BTBD18: variants seen among roughly 807,000 people sequenced by gnomAD.
The protein encoded by BTBD18 is BTB/POZ domain-containing protein 18.
For synonymous variants in BTBD18, 311 were observed against 324.4 expected (o/e 0.96, Z 0.44); for missense variants, 787 against 846.3 (o/e 0.93, Z 0.87).
chr11:57,746,144 C>G lies in BTBD18; in HGVS notation c.129G>C (p.Glu43Asp), dbSNP rs1258442628. 1 of 1,542,590 alleles carries G rather than the reference C, an allele frequency of 6.5e-7. No homozygotes were observed. The highest frequency in any genetic ancestry group is 8.8e-7 in the Non-Finnish European group (1 of 1,142,572). ...GGATGCAGCAGTGAGCTGGAACTGCCTCACCTGAAGGGAAACCCAAATACT... is the reference window on the plus strand; with the variant it reads ...GGATGCAGCAGTGAGCTGGAACTGCGTCACCTGAAGGGAAACCCAAATACT... ...FCDVLLQAEG[E>D]AVPAHCCILS... The change falls in exon 3 of 3, where the codon GAG (glutamate) becomes GAC (aspartate). Residue 43 changes from glutamate (E) to aspartate (D), a missense_variant. Physicochemically the swap from Glu to Asp is conservative, Grantham distance 45. Coordinates refer to ENST00000422652, the MANE Select transcript of BTBD18 (RefSeq NM_001145101.3).
In BTBD18 at chr11:57,745,648, T is replaced by C. The variant is rs1356526099; in HGVS notation, c.625A>G (p.Arg209Gly). ...DNLSGTLLLK[R>G]KARACPTPQE... The stretch of plus-strand genomic sequence containing the variant: ...GGAGTTGGGCAGGCTCTGGCCTTCC[T>C]CTTGAGCAGAAGAGTGCCAGACAAA... The change falls in exon 3 of 3, where the codon AGG becomes GGG. Residue 209 changes from arginine to glycine, a missense_variant. Arg to Gly is a moderately radical substitution (Grantham distance 125). Coordinates refer to ENST00000422652, the MANE Select transcript of BTBD18 (RefSeq NM_001145101.3). 6.4e-7 allele frequency: 1 copy of C among 1,551,670 alleles called. No individual in the cohort carries two copies. The highest frequency in any genetic ancestry group is 8.7e-7 in the Non-Finnish European group (1 of 1,146,976).
chr11:57,744,624 C>CAG lies in BTBD18; in HGVS notation c.1647_1648dup (p.Trp550SerfsTer33). The CAG allele has an allele frequency of 6.4e-7, 1 of 1,551,688 alleles. No individual in the cohort carries two copies. The highest frequency in any genetic ancestry group is 8.7e-7 in the Non-Finnish European group (1 of 1,147,006). The stretch of plus-strand genomic sequence containing the variant: ...TTCCAATTCTGTGAGCTCCCTGGGC[C>CAG]AGAGTTCCATGTCTGGTAGACACCA... On this transcript the variant is annotated frameshift_variant, in exon 3 of 3. Transcript: ENST00000422652. LOFTEE classifies it low-confidence loss of function (END_TRUNC).
At chr11:57,752,609 C>T (rs1949336175), upstream of BTBD18, among the ~76,000 whole-genome samples, 1 of 152,210 alleles carries the variant, frequency 6.6e-6, no homozygotes, top group South Asian at 2.1e-4. Flanking sequence ...GGAAGCTTCT[C>T]AATCCACGAT....
intron 2 of BTBD18, among the ~76,000 whole-genome samples, chr11:57,746,604 G>A (rs1309159239): frequency 1.3e-5 from 2 of 152,004 alleles, no homozygotes; most frequent in African/African-American, 2.4e-5. Flanking sequence ...GATTACAGGC[G>A]TGAGCCACCG....
chr11:57,751,263 G>C, intron 1 of BTBD18, 27 bp from the exon 2 acceptor site: 1 of 1,216,882 alleles, frequency 8.2e-7, no homozygotes. Flanking sequence ...ACATTTCAGA[G>C]GCATGGTTAC....
chr11:57,745,007 C>T lies in BTBD18; in HGVS notation c.1266G>A (p.Met422Ile), dbSNP rs1381329895. 2 of 1,551,514 alleles carry T rather than the reference C, an allele frequency of 1.3e-6. No individual in the cohort carries two copies. Among genetic ancestry groups the T allele is most frequent in the Non-Finnish European group, 1.7e-6 (2 of 1,146,958 alleles). The part of the protein sequence containing the change: ...TRTELCQDSP[M>I]CTKLQDILVS... Reference sequence around the variant, plus strand: ...CCAGAATGTCTTGTAGCTTAGTGCACATGGGGGAGTCCTGACACAGTTCTG... The same window carrying T: ...CCAGAATGTCTTGTAGCTTAGTGCATATGGGGGAGTCCTGACACAGTTCTG... Residue 422 changes from methionine to isoleucine, a missense_variant, in exon 3 of 3, where the codon ATG becomes ATA. Physicochemically the swap from Met to Ile is conservative, Grantham distance 10. Transcript: ENST00000422652.
rs1290905550 is a variant in BTBD18, at chr11:57,745,571, G to A, written c.702C>T (p.Asn234=). The change falls in exon 3 of 3, where the codon AAC becomes AAT. Residue 234 remains asparagine (N), a synonymous_variant. Coordinates refer to ENST00000422652, the MANE Select transcript of BTBD18 (RefSeq NM_001145101.3). ...TAGGATCAAGGGCAGTGTCATTCTTGTTCTCTCTAGGCTCTTGACTATGGC... is the reference window on the plus strand; with the variant it reads ...TAGGATCAAGGGCAGTGTCATTCTTATTCTCTCTAGGCTCTTGACTATGGC... ...PSSHSQEPRE[N]KNDTALDPTV... 2 of 1,551,086 alleles carry A rather than the reference G, an allele frequency of 1.3e-6. No individual in the cohort carries two copies. The highest frequency in any genetic ancestry group is 2.4e-5 in the East Asian group (1 of 40,928).
rs1227936424 is a variant in BTBD18 at position 57,745,789 on chromosome 11, G to T, written c.484C>A (p.His162Asn). ...TTAGTGGGCAGTGGGGTGTGAGGGT[G>T]GTGGCTGGGTGTCACCACTCTGGCA... is the stretch of plus-strand genomic sequence containing the variant. ...ISARVVTPSH[H>N]PHTPLPTNQT... Residue 162 changes from histidine to asparagine, a missense_variant, in exon 3 of 3, where the codon CAC becomes AAC. By Grantham distance (68) the His-to-Asn change is moderately conservative (BLOSUM62 1). Transcript: ENST00000422652. 1.3e-6 allele frequency: 2 copies of T among 1,551,600 alleles called. No homozygotes were observed. Among genetic ancestry groups the T allele is most frequent in the South Asian group, 2.4e-5 (2 of 84,044 alleles).
Position 57,745,525 on chromosome 11 carries a change from A to T in BTBD18, c.748T>A (p.Leu250Met), listed in dbSNP as rs1383106183. 1.9e-5 allele frequency: 30 copies of T among 1,549,670 alleles called. No homozygotes were observed. Among genetic ancestry groups the T allele is most frequent in the African/African-American group, 4.1e-5 (3 of 73,032 alleles). ...AGGTGTTTGTCCACAGAGGGGTACA[A>T]GCTGGGTGGGGAGAGCACTGTAGGA... ...LDPTVLSPPS[L>M]YPSVDKHLLP... The change falls in exon 3 of 3, where the codon TTG (leucine) becomes ATG (methionine). Residue 250 changes from leucine to methionine, a missense_variant. Coordinates refer to ENST00000422652, the MANE Select transcript of BTBD18 (RefSeq NM_001145101.3).
rs779170373 is a variant in BTBD18 at position 57,745,705 on chromosome 11, G to T, written c.568C>A (p.Pro190Thr). 1.3e-6 allele frequency: 2 copies of T among 1,551,656 alleles called. No individual in the cohort carries two copies. Among genetic ancestry groups the T allele is most frequent in the South Asian group, 1.2e-5 (1 of 84,050 alleles). ...RLKSLGKEEGPQENNRQNADN... is the reference protein window; with the variant it reads ...RLKSLGKEEGTQENNRQNADN... ...GCATTCTGTCGGTTGTTTTCCTGGG[G>T]CCCCTCTTCCTTCCCCAAGGACTTC... The change falls in exon 3 of 3, where the codon CCC becomes ACC. Residue 190 changes from proline to threonine, a missense_variant. Pro to Thr is a conservative substitution (Grantham distance 38). Coordinates refer to ENST00000422652, the MANE Select transcript of BTBD18 (RefSeq NM_001145101.3).
At position 57,745,848 on chromosome 11, in the gene BTBD18, TCTCGGTTCAGCCTTCGGCC is replaced by T; in HGVS notation, c.406_424del (p.Gly136SerfsTer16). On this transcript the variant is annotated frameshift_variant, in exon 3 of 3. Coordinates refer to ENST00000422652, the MANE Select transcript of BTBD18 (RefSeq NM_001145101.3). LOFTEE classifies it low-confidence loss of function (END_TRUNC). The stretch of plus-strand genomic sequence containing the variant: ...TGCAGCACTTGTTGGTTGTAAGCAC[TCTCGGTTCAGCCTTCGGCC>T]CTGTGGGGCCTTCACCAACTTTCCA... 1 of 1,551,614 alleles carries T rather than the reference TCTCGGTTCAGCCTTCGGCC, an allele frequency of 6.4e-7. No individual in the cohort carries two copies. Among genetic ancestry groups the T allele is most frequent in the Non-Finnish European group, 8.7e-7 (1 of 1,146,984 alleles).
In BTBD18 at chr11:57,746,128, A is replaced by G; in HGVS notation, c.145T>C (p.Cys49Arg). 6.5e-7 allele frequency: 1 copy of G among 1,548,448 alleles called. No individual in the cohort carries two copies. Among genetic ancestry groups the G allele is most frequent in the Non-Finnish European group, 8.7e-7 (1 of 1,145,430 alleles). Reference sequence around the variant, plus strand: ...GGGCTACAAGCTGACAGGATGCAGCAGTGAGCTGGAACTGCCTCACCTGAA... The same window carrying G: ...GGGCTACAAGCTGACAGGATGCAGCGGTGAGCTGGAACTGCCTCACCTGAA... ...QAEGEAVPAH[C>R]CILSACSPFF... The change falls in exon 3 of 3, where the codon TGC becomes CGC. Residue 49 changes from cysteine (C) to arginine (R), a missense_variant. Transcript: ENST00000422652.
rs1258484002 is a variant in BTBD18 at position 57,743,632 on chromosome 11, A to T, written c.*502T>A. On this transcript the variant is annotated 3_prime_UTR_variant, in exon 3 of 3. Transcript: ENST00000422652. ...TGGCCCCTGCAGAGGTTTTAGCTAG[A>T]CTTCCTAATACTGGCAGTGAATAAG... 6.5e-6 allele frequency: 1 copy of T among 152,696 alleles called. No individual in the cohort carries two copies. Among genetic ancestry groups the T allele is most frequent in the Non-Finnish European group, 1.5e-5 (1 of 68,426 alleles). The allele number at this position is 152,696 out of a possible 1,614,324, so 9.5% of individuals were successfully genotyped here. A position where few individuals can be genotyped will look rare whatever the true frequency, so the allele number is the denominator to read the frequency against.
rs765062929 is a variant in BTBD18 at position 57,745,215 on chromosome 11, CCCT to C, written c.1055_1057del (p.Glu352del). 1.3e-6 allele frequency: 2 copies of C among 1,551,666 alleles called. No individual in the cohort carries two copies. Among genetic ancestry groups the C allele is most frequent in the South Asian group, 1.2e-5 (1 of 84,060 alleles). On this transcript the variant is annotated inframe_deletion, in exon 3 of 3. Transcript: ENST00000422652. ...CCTAAGTTTAACTCTCCCAACCTGC[CCCT>C]CCTCTGCAGAGTCTGAGTTAGGTGC...
Position 57,750,646 on chromosome 11 carries a change from G to A in BTBD18, c.124+419C>T, listed in dbSNP as rs550914728. On this transcript the variant is annotated intron_variant, in intron 2 of 2. Coordinates refer to ENST00000422652, the MANE Select transcript of BTBD18 (RefSeq NM_001145101.3). Reference sequence around the variant, plus strand: ...CAGGAGGTGGAGGTTGCAGGTAGCTGTGATTGTGCCACCACACTCCTGCCT... The same window carrying A: ...CAGGAGGTGGAGGTTGCAGGTAGCTATGATTGTGCCACCACACTCCTGCCT... Among the ~76,000 whole-genome samples, 3 of 152,372 alleles carry A rather than the reference G, an allele frequency of 2.0e-5. No individual in the cohort carries two copies. The South Asian group carries it at 6.2e-4, about 32-fold the overall frequency.
At position 57,745,476 on chromosome 11, in the gene BTBD18, C is replaced by T; in HGVS notation, c.797G>A (p.Ser266Asn). The T allele has an allele frequency of 6.4e-7, 1 of 1,550,408 alleles. No homozygotes were observed. Among genetic ancestry groups the T allele is most frequent in the East Asian group, 2.4e-5 (1 of 40,926 alleles). ...GATACCAGGAGATGGCTTTGAGCGA[C>T]TGAGCCTGATCTTTCTGGGCAACAG... is the stretch of plus-strand genomic sequence containing the variant. ...KHLLPRKIRL[S>N]RSKPSPGICT... The change falls in exon 3 of 3, where the codon AGT becomes AAT. Residue 266 changes from serine to asparagine, a missense_variant. Transcript: ENST00000422652.
chr11:57,745,973 T>C lies in BTBD18; in HGVS notation c.300A>G (p.Val100=), dbSNP rs764563631. 11 of 1,551,696 alleles carry C rather than the reference T, an allele frequency of 7.1e-6. 1 individual carries two copies. In the South Asian group the frequency reaches 1.3e-4, roughly 18 times the overall value. ...VDFLYTSEME[V]SQEEAQDVLS... Reference sequence around the variant, plus strand: ...GCACATCCTGGGCTTCTTCTTGAGATACTTCCATTTCTGAGGTATACAAGA... The same window carrying C: ...GCACATCCTGGGCTTCTTCTTGAGACACTTCCATTTCTGAGGTATACAAGA... The change falls in exon 3 of 3, where the codon GTA becomes GTG. Residue 100 remains valine, a synonymous_variant. Transcript: ENST00000422652.
chr11:57,745,381 A>G lies in BTBD18; in HGVS notation c.892T>C (p.Trp298Arg). The change falls in exon 3 of 3, where the codon TGG becomes CGG. Residue 298 changes from tryptophan to arginine, a missense_variant. Trp to Arg is a moderately radical substitution (Grantham distance 101). Transcript: ENST00000422652. ...TCTTTATTTACACTCCTCTGCCGCC[A>G]AAGACGCCGGCCAGGGGTTGCAGGC... ...SVPATPGRRL[W>R]RQRSVNKETP... 6.4e-7 allele frequency: 1 copy of G among 1,551,662 alleles called. No individual in the cohort carries two copies. Among genetic ancestry groups the G allele is most frequent in the Non-Finnish European group, 8.7e-7 (1 of 1,146,992 alleles).
intron 2 of BTBD18, among the ~76,000 whole-genome samples, chr11:57,749,564 C>T (rs1246823048): frequency 6.6e-6 from 1 of 151,932 alleles, no homozygotes; most frequent in Non-Finnish European, 1.5e-5. Flanking sequence ...GCCTGGCCAA[C>T]ATGGTGAAAC....
Sources: allele counts gnomAD v4.1 joint callset (sites outside exome capture counted in the v4.1 genomes callset), GRCh38; gene constraint gnomAD v4.1.1; transcripts MANE v1.5; gene names NCBI Gene and HGNC (gene_info 2026-07-23, HGNC 2026-07-21).